Variants in DENND1A observed in about 807,000 individuals in gnomAD.
The protein encoded by DENND1A is DENN domain-containing protein 1A.
In DENND1A, 51 loss-of-function variants were observed where a neutral mutation model predicts 113.7. The observed-to-expected ratio is 0.45, with a 90% CI of 0.36 to 0.57. DENND1A has a LOEUF of 0.57. Ranked by LOEUF, DENND1A falls within the 20% of genes least tolerant of loss-of-function variation. The pLI, the probability that DENND1A is intolerant of heterozygous loss-of-function variation, is 0.00. For missense variants in DENND1A, 1,258 were observed against 1,395.9 expected (o/e 0.90, Z 1.57); for synonymous variants, 565 against 570.8 (o/e 0.99, Z 0.14).
intron 2 of DENND1A, among the ~76,000 whole-genome samples, chr9:123,811,729 A>G (rs1334964071): frequency 6.6e-6 from 1 of 152,240 alleles, no homozygotes; most frequent in Non-Finnish European, 1.5e-5. Context: ...ACTGCATTCC[A>G]GCCAGGGCGA....
At chr9:123,820,876 A>C (rs546341680) in intron 2 of DENND1A, among the ~76,000 whole-genome samples, 1 of 152,352 alleles carries the variant, frequency 6.6e-6, no homozygotes, top group Non-Finnish European at 1.5e-5. Context: ...TATCCATGTC[A>C]GTTCCCTTGT....
chr9:123,926,972 T>A (rs1376956097), intron 1 of DENND1A, among the ~76,000 whole-genome samples: 1 of 125,252 alleles, frequency 8.0e-6, no homozygotes, highest in South Asian at 2.6e-4. Context: ...CAGGAGGGGG[T>A]GGGGGTGGCA....
At chr9:123,901,726 A>T (rs1368151448) in intron 1 of DENND1A, among the ~76,000 whole-genome samples, 1 of 152,158 alleles carries the variant, frequency 6.6e-6, no homozygotes, top group Non-Finnish European at 1.5e-5. Flanking sequence ...TGGACTCTTA[A>T]AATAAAGGTG....
chr9:123,674,018 G>T (rs979186087), intron 6 of DENND1A, among the ~76,000 whole-genome samples: 2 of 151,802 alleles, frequency 1.3e-5, no homozygotes, highest in African/African-American at 4.8e-5. Context: ...CAACACACCA[G>T]CACTGGGCCA....
At chr9:123,563,038 T>C (rs186811346) in intron 12 of DENND1A, among the ~76,000 whole-genome samples, 1 of 152,294 alleles carries the variant, frequency 6.6e-6, no homozygotes, top group Admixed American at 6.5e-5. Flanking sequence ...TAGGATCACA[T>C]TCTTTAGTGA....
chr9:123,778,978 TTAAAAA>T (rs1228737877), intron 3 of DENND1A, among the ~76,000 whole-genome samples: 1 of 152,318 alleles, frequency 6.6e-6, no homozygotes, highest in East Asian at 1.9e-4. Flanking sequence ...GTATAAATAA[TTAAAAA>T]TAAAACATGT....
intron 2 of DENND1A, among the ~76,000 whole-genome samples, chr9:123,828,629 T>A (rs1450833554): frequency 8.4e-5 from 10 of 119,628 alleles, no homozygotes; most frequent in African/African-American, 7.1e-5. Flanking sequence ...AGGAAAAACT[T>A]AAAAGTAGCC....
chr9:123,457,956 G>T, intron 13 of DENND1A, 59 bp from the exon 14 acceptor site: 3 of 1,305,272 alleles, frequency 2.3e-6, no homozygotes, highest in South Asian at 1.3e-5. Flanking sequence ...CATCAGTTTT[G>T]AAATTCCTAT....
At chr9:123,614,566 G>A (rs1021433208) in intron 10 of DENND1A, among the ~76,000 whole-genome samples, 2 of 151,590 alleles carry the variant, frequency 1.3e-5, no homozygotes, top group Non-Finnish European at 2.9e-5. Flanking sequence ...AATGAGTCCA[G>A]TGAAATAAAG....
rs778390226 is a variant in DENND1A at position 123,609,390 on chromosome 9, C to A, written c.765+46G>T. 6.3e-6 allele frequency: 10 copies of A among 1,595,530 alleles called. 1 individual carries two copies. In the East Asian group the frequency reaches 2.0e-4, roughly 32 times the overall value. ...GTCTCTCCACCGCCACACAATGAAA[C>A]AAAGCCCCAGGTAGAGCCATCTGGG... is the stretch of plus-strand genomic sequence containing the variant. On this transcript the variant is annotated intron_variant, in intron 11 of 23. Transcript: ENST00000394215.
intron 6 of DENND1A, among the ~76,000 whole-genome samples, chr9:123,673,320 T>G (rs2140022867): frequency 6.6e-6 from 1 of 152,360 alleles, no homozygotes; most frequent in East Asian, 1.9e-4. Flanking sequence ...CCTGTTTTAT[T>G]CAGTGTGACA....
At chr9:123,845,497 T>G (rs1452559730) in intron 2 of DENND1A, among the ~76,000 whole-genome samples, 1 of 150,518 alleles carries the variant, frequency 6.6e-6, no homozygotes, top group East Asian at 2.0e-4. Flanking sequence ...AAACCTCATC[T>G]CTCCCTACCC....
intron 5 of DENND1A, among the ~76,000 whole-genome samples, chr9:123,733,974 G>C (rs1039781080): frequency 1.3e-5 from 2 of 151,720 alleles, no homozygotes; most frequent in African/African-American, 4.8e-5. Context: ...CCTCTTGTTT[G>C]CTTCTTTTCA....
chr9:123,872,803 G>C (rs1846851158), intron 2 of DENND1A, among the ~76,000 whole-genome samples: 1 of 152,166 alleles, frequency 6.6e-6, no homozygotes, highest in South Asian at 2.1e-4. Context: ...AAGAAAAATT[G>C]TAAGAATGAA....
At chr9:123,575,643 T>C (rs908898346) in intron 12 of DENND1A, among the ~76,000 whole-genome samples, 2 of 152,326 alleles carry the variant, frequency 1.3e-5, no homozygotes, top group Admixed American at 6.5e-5. Context: ...TCTTTTTCTC[T>C]TTACACACAC....
rs747324740 is a variant in DENND1A at position 123,757,753 on chromosome 9, G to A, written c.252C>T (p.Phe84=). 4.3e-6 allele frequency: 7 copies of A among 1,614,016 alleles called. No individual in the cohort carries two copies. The highest frequency in any genetic ancestry group is 1.1e-5 in the South Asian group (1 of 91,068). Residue 84 remains phenylalanine (F), a synonymous_variant, in exon 5 of 24, where the codon TTC becomes TTT. Transcript: ENST00000394215. The part of the protein sequence containing the change: ...VLTDIDSKQR[F]GFCRLSSGAK... ...CTCCTGAAGATAAGCGGCAGAACCC[G>A]AATCTCTGTTTGCTGTCAATGTCAG...
intron 2 of DENND1A, among the ~76,000 whole-genome samples, chr9:123,866,982 T>G (rs1845878855): frequency 1.3e-5 from 2 of 152,192 alleles, no homozygotes; most frequent in Non-Finnish European, 2.9e-5. Context: ...TATCTTCTCC[T>G]CAAATAAGGC....
intron 5 of DENND1A, among the ~76,000 whole-genome samples, chr9:123,718,622 A>T (rs1025122010): frequency 6.6e-6 from 1 of 152,198 alleles, no homozygotes; most frequent in Non-Finnish European, 1.5e-5. Flanking sequence ...TTTGTTACTC[A>T]TATGAGATCC....
rs568480876 is a variant in DENND1A, at chr9:123,457,271, T to G, written c.1186+77A>C. ...TAAGCCCCAATAAAGGAAAAGCAAG[T>G]CACTGCCACTCCTTGTCAAATATGC... is the stretch of plus-strand genomic sequence containing the variant. On this transcript the variant is annotated intron_variant, in intron 15 of 23. Coordinates refer to ENST00000394215, the MANE Select transcript of DENND1A (RefSeq NM_001352964.2). 271 of 1,114,524 alleles carry G rather than the reference T, an allele frequency of 2.4e-4. No homozygotes were observed. The Middle Eastern group carries it at 4.6e-3, about 19-fold the overall frequency. 69.0% of individuals were successfully genotyped at this position (1,114,524 alleles called of 1,614,324 possible).
Sources: allele counts gnomAD v4.1 joint callset (sites outside exome capture counted in the v4.1 genomes callset), GRCh38; gene constraint gnomAD v4.1.1; transcripts MANE v1.5; gene names NCBI Gene and HGNC (gene_info 2026-07-23, HGNC 2026-07-21).